ZCCHC8: variants seen among roughly 807,000 people sequenced by gnomAD.
ZCCHC8 encodes zinc finger CCHC domain-containing protein 8.
Under a neutral mutation model 70.6 loss-of-function variants are expected in ZCCHC8, and 27 were observed. That is an observed-to-expected ratio of 0.38 (90% CI 0.28 to 0.53). The LOEUF is 0.53. Ranked by LOEUF, ZCCHC8 falls within the 20% of genes least tolerant of loss-of-function variation. The pLI is 0.81. For missense variants in ZCCHC8, 737 were observed against 876.9 expected, an observed-to-expected ratio of 0.84 and a Z score of 2.01; for synonymous variants, 293 against 317.4, an observed-to-expected ratio of 0.92 and a Z score of 0.82.
chr12:122,500,763 G>C lies in ZCCHC8; in HGVS notation c.78C>G (p.Pro26=). The change falls in exon 1 of 14, where the codon CCC becomes CCG. Residue 26 remains proline (P), a synonymous_variant. Transcript: ENST00000633063. This position sits in a 1 kb window ranked among gnomAD's most constrained non-coding sequence, Gnocchi z 4.8. Reference sequence around the variant, plus strand: ...CGTCGTCCTTGAAGCGAGTGTGAACGGGCTTCGGAATCGACTCCTCTGGGT... The same window carrying C: ...CGTCGTCCTTGAAGCGAGTGTGAACCGGCTTCGGAATCGACTCCTCTGGGT... ...FDHPEESIPK[P]VHTRFKDDDG... 1 of 1,590,070 alleles carries C rather than the reference G, an allele frequency of 6.3e-7. No individual in the cohort carries two copies. The highest frequency in any genetic ancestry group is 1.8e-5 in the Admixed American group (1 of 56,408).
Position 122,483,315 on chromosome 12 carries a change from G to T in ZCCHC8, c.635C>A (p.Ser212Tyr). 2 of 1,600,656 alleles carry T rather than the reference G, an allele frequency of 1.2e-6. No individual in the cohort carries two copies. The highest frequency in any genetic ancestry group is 1.7e-6 in the Non-Finnish European group (2 of 1,172,744). ...TACTTGTATTTCTTGCCCTTCTAGA[G>T]AAACAATGTGGCTGAAGACTTGATG... The part of the protein sequence containing the change: ...KYHQVFSHIV[S>Y]LEGQEIQVKA... Residue 212 changes from serine (S) to tyrosine (Y), a missense_variant, in exon 7 of 14, where the codon TCT (serine) becomes TAT (tyrosine). Transcript: ENST00000633063. The surrounding 1 kb of genome is among the most constrained non-coding windows in gnomAD (Gnocchi z 4.4).
At chr12:122,476,229 T>A (rs1386443991) in intron 13 of ZCCHC8, among the ~76,000 whole-genome samples, 1 of 152,262 alleles carries the variant, frequency 6.6e-6, no homozygotes, top group East Asian at 1.9e-4. Context: ...TTAAGCTTTC[T>A]GCCTCAGGGT....
At chr12:122,481,726 A>G (rs1957539766) in intron 9 of ZCCHC8, 62 bp from the exon 10 acceptor site, 5 of 1,540,618 alleles carry the variant, frequency 3.2e-6, no homozygotes, top group Non-Finnish European at 4.4e-6. Context: ...AACACATAGT[A>G]TTCTGGTATT....
chr12:122,478,614 T>G, intron 11 of ZCCHC8: 1 of 248,958 alleles, frequency 4.0e-6, no homozygotes, highest in South Asian at 6.3e-5. Flanking sequence ...CATCAAGCAC[T>G]GGCACTGCTA....
chr12:122,491,515 G>A (rs1179989705), intron 3 of ZCCHC8, among the ~76,000 whole-genome samples: 1 of 133,870 alleles, frequency 7.5e-6, no homozygotes, highest in East Asian at 2.2e-4. Context: ...GGCAAAAAGA[G>A]TGAAACTCCA....
chr12:122,497,208 C>T (rs1447059667), intron 2 of ZCCHC8, among the ~76,000 whole-genome samples: 1 of 151,948 alleles, frequency 6.6e-6, no homozygotes, highest in Non-Finnish European at 1.5e-5. Flanking sequence ...CTGTAGTCAC[C>T]ACTGCAGCCA....
rs182430647 is a variant in ZCCHC8 at position 122,500,598 on chromosome 12, G to A, written c.199+44C>T. On this transcript the variant is annotated intron_variant, in intron 1 of 13. Coordinates refer to ENST00000633063, the MANE Select transcript of ZCCHC8 (RefSeq NM_017612.5). The surrounding 1 kb of genome is among the most constrained non-coding windows in gnomAD (Gnocchi z 4.8). ...CCGGCCCCACGCCTGGCGCTGCCCC[G>A]GCCCCACACCCGGGTGACAGGGCCC... is the stretch of plus-strand genomic sequence containing the variant. 2.0e-6 allele frequency: 3 copies of A among 1,522,308 alleles called. No individual in the cohort carries two copies. The highest frequency in any genetic ancestry group is 1.8e-6 in the Non-Finnish European group (2 of 1,135,284). The allele number at this position is 1,522,308 out of a possible 1,614,324, so 94.3% of individuals were successfully genotyped here.
intron 5 of ZCCHC8, among the ~76,000 whole-genome samples, chr12:122,484,775 C>A (rs1277000021): frequency 6.6e-6 from 1 of 152,120 alleles, no homozygotes; most frequent in Non-Finnish European, 1.5e-5. Context: ...GAGCTCCTAA[C>A]AATGGAGCTT....
In ZCCHC8 at chr12:122,496,597, ATTTAG is replaced by A. The variant is rs1957829234; in HGVS notation, c.242+2225_242+2229del. ...TTAATATATTGAATACCTAATCAAA[ATTTAG>A]TTTATTTTATTAAGCCTCCCATGTA... On this transcript the variant is annotated intron_variant, in intron 2 of 13. Coordinates refer to ENST00000633063, the MANE Select transcript of ZCCHC8 (RefSeq NM_017612.5). Among the ~76,000 whole-genome samples the A allele has an allele frequency of 3.3e-5, 5 of 152,268 alleles. No individual in the cohort carries two copies. In the South Asian group the frequency reaches 1.0e-3, roughly 32 times the overall value.
At chr12:122,493,346 A>C (rs1429808948) in intron 2 of ZCCHC8, among the ~76,000 whole-genome samples, 1 of 152,154 alleles carries the variant, frequency 6.6e-6, no homozygotes, top group Non-Finnish European at 1.5e-5. Flanking sequence ...TTTCAACCAA[A>C]CAGTTTGTCT....
chr12:122,483,435 G>T lies in ZCCHC8; in HGVS notation c.605+25C>A. On this transcript the variant is annotated intron_variant, in intron 6 of 13. Coordinates refer to ENST00000633063, the MANE Select transcript of ZCCHC8 (RefSeq NM_017612.5). This position sits in a 1 kb window ranked among gnomAD's most constrained non-coding sequence, Gnocchi z 4.4. The stretch of plus-strand genomic sequence containing the variant: ...GAACTTAGTGGCAAGATGCATAAAA[G>T]ATCTTCATTCACTATGTAGGATACT... 2 of 1,575,740 alleles carry T rather than the reference G, an allele frequency of 1.3e-6. No homozygotes were observed. The highest frequency in any genetic ancestry group is 1.2e-5 in the South Asian group (1 of 86,046).
intron 8 of ZCCHC8, 55 bp from the exon 9 acceptor site, chr12:122,482,142 GAAATT>G (rs938466797): frequency 7.4e-5 from 112 of 1,509,326 alleles, no homozygotes; most frequent in Non-Finnish European, 9.2e-5. Flanking sequence ...AAATATTTCA[GAAATT>G]AAATAAAAAT....
intron 2 of ZCCHC8, among the ~76,000 whole-genome samples, chr12:122,493,273 CA>C (rs1193707858): frequency 6.6e-6 from 1 of 152,112 alleles, no homozygotes; most frequent in African/African-American, 2.4e-5. Context: ...TAATTTTATA[CA>C]GAGGTATCAC....
At chr12:122,492,848 T>A in intron 2 of ZCCHC8, 59 bp from the exon 3 acceptor site, 1 of 1,109,958 alleles carries the variant, frequency 9.0e-7, no homozygotes, top group Non-Finnish European at 1.3e-6. Flanking sequence ...TGCATACGTA[T>A]ATATAAACGC....
rs1303982202 is a variant in ZCCHC8, at chr12:122,474,165, G to A, written c.1456C>T (p.Pro486Ser). 14 of 1,514,174 alleles carry A rather than the reference G, an allele frequency of 9.2e-6. No individual in the cohort carries two copies. Among genetic ancestry groups the A allele is most frequent in the Non-Finnish European group, 1.2e-5 (14 of 1,138,652 alleles). 93.8% of individuals were successfully genotyped at this position (1,514,174 alleles called of 1,614,324 possible). A position where few individuals can be genotyped will look rare whatever the true frequency, so the allele number is the denominator to read the frequency against. Residue 486 changes from proline to serine, a missense_variant, in exon 14 of 14, where the codon CCT becomes TCT. Coordinates refer to ENST00000633063, the MANE Select transcript of ZCCHC8 (RefSeq NM_017612.5). The part of the protein sequence containing the change: ...PRGTPPPVFT[P>S]PLPKGTPPLT... ...GGCGGGGTGCCCTTTGGGAGTGGAG[G>A]GGTGAAGACGGGTGGAGGAGTTCCC...
At position 122,474,154 on chromosome 12, in the gene ZCCHC8, T is replaced by C. The variant is rs376747026; in HGVS notation, c.1467A>G (p.Pro489=). 9.9e-6 allele frequency: 15 copies of C among 1,511,030 alleles called. No individual in the cohort carries two copies. In the African/African-American group the frequency reaches 2.1e-4, roughly 21 times the overall value. The allele number at this position is 1,511,030 out of a possible 1,614,324, so 93.6% of individuals were successfully genotyped here. A position where few individuals can be genotyped will look rare whatever the true frequency, so the allele number is the denominator to read the frequency against. The change falls in exon 14 of 14, where the codon CCA becomes CCG. Residue 489 remains proline (P), a synonymous_variant. Coordinates refer to ENST00000633063, the MANE Select transcript of ZCCHC8 (RefSeq NM_017612.5). ...TGGGAGTCAGCGGCGGGGTGCCCTT[T>C]GGGAGTGGAGGGGTGAAGACGGGTG... ...TPPPVFTPPL[P]KGTPPLTPSD... is the part of the protein sequence containing the mutation.
intron 13 of ZCCHC8, 37 bp from the exon 14 acceptor site, chr12:122,474,312 T>C (rs777170128): frequency 3.0e-6 from 4 of 1,342,148 alleles, no homozygotes; most frequent in African/African-American, 1.5e-5. Flanking sequence ...TTAGAACTTA[T>C]AATAGCATTT....
At chr12:122,492,516 GA>G (rs1957765323) in intron 3 of ZCCHC8, among the ~76,000 whole-genome samples, 198 bp downstream of exon 3, 1 of 152,120 alleles carries the variant, frequency 6.6e-6, no homozygotes, top group Non-Finnish European at 1.5e-5. Flanking sequence ...CACAGACATA[GA>G]AAGTAAGAGT....
chr12:122,489,440 C>T lies in ZCCHC8; in HGVS notation c.447G>A (p.Glu149=). Residue 149 remains glutamate (E), a synonymous_variant, in exon 5 of 14, where the codon GAG becomes GAA. Coordinates refer to ENST00000633063, the MANE Select transcript of ZCCHC8 (RefSeq NM_017612.5). ...CACAGGACTCTTCCACTTTGTGGTCCTCCTCTAGCACAATACTGGATGGCT... is the reference window on the plus strand; with the variant it reads ...CACAGGACTCTTCCACTTTGTGGTCTTCCTCTAGCACAATACTGGATGGCT... ...LPQPSSIVLE[E]DHKVEESCAI... 1.9e-6 allele frequency: 3 copies of T among 1,613,714 alleles called. No individual in the cohort carries two copies. Among genetic ancestry groups the T allele is most frequent in the Non-Finnish European group, 2.5e-6 (3 of 1,179,766 alleles).
Sources: allele counts gnomAD v4.1 joint callset (sites outside exome capture counted in the v4.1 genomes callset), GRCh38; gene constraint gnomAD v4.1.1; non-coding constraint Gnocchi (gnomAD v3.1); transcripts MANE v1.5; gene names NCBI Gene and HGNC (gene_info 2026-07-23, HGNC 2026-07-21).